Variants in SOX6 observed in about 807,000 individuals in gnomAD.
SOX6 encodes the protein SRY-box transcription factor 6.
A neutral mutation model predicts 97.8 loss-of-function variants in SOX6; 11 were observed. The observed-to-expected ratio is 0.11, with a 90% CI of 0.07 to 0.19. The LOEUF is 0.19. SOX6 is among the 10% of genes least tolerant of loss of function. The pLI is 1.00. For missense variants in SOX6, 810 were observed against 1,039.5 expected (o/e 0.78, Z 3.04); for synonymous variants, 360 against 371.4 (o/e 0.97, Z 0.35).
chr11:16,480,833 T>C (rs1300647057), upstream of SOX6, among the ~76,000 whole-genome samples: 1 of 152,174 alleles, frequency 6.6e-6, no homozygotes, highest in East Asian at 1.9e-4. Flanking sequence ...TAGCACTGCA[T>C]GATTAAAACT....
intron 9 of SOX6, among the ~76,000 whole-genome samples, chr11:16,079,641 C>A (rs908492558): frequency 6.6e-6 from 1 of 152,030 alleles, no homozygotes; most frequent in Non-Finnish European, 1.5e-5. Context: ...TATAAGTGAT[C>A]AGGTAGACTA....
intron 4 of SOX6, among the ~76,000 whole-genome samples, chr11:16,569,857 A>G (rs1589989679): frequency 7.4e-6 from 1 of 134,420 alleles, no homozygotes; most frequent in East Asian, 2.0e-4. Flanking sequence ...TGACTGATCA[A>G]GACTCCGTCT....
intron 9 of SOX6, among the ~76,000 whole-genome samples, chr11:16,068,633 A>G (rs1348473927): frequency 6.6e-6 from 1 of 152,166 alleles, no homozygotes; most frequent in Admixed American, 6.5e-5. Context: ...AGTCCTACAT[A>G]TTAGGTTTAT....
At chr11:16,480,280 T>C (rs1382198319), upstream of SOX6, among the ~76,000 whole-genome samples, 4 of 152,154 alleles carry the variant, frequency 2.6e-5, no homozygotes, top group Admixed American at 2.0e-4. Context: ...GTCTAATGTA[T>C]GCCAAAATGA....
intron 4 of SOX6, among the ~76,000 whole-genome samples, chr11:16,516,685 A>G (rs1000778540): frequency 1.3e-5 from 2 of 149,754 alleles, no homozygotes; most frequent in Admixed American, 6.7e-5. Flanking sequence ...GGCAATAATC[A>G]ATAGCTTACC....
At chr11:16,014,826 G>T in intron 13 of SOX6, 116 bp downstream of exon 13, 2 of 926,528 alleles carry the variant, frequency 2.2e-6, no homozygotes, top group Non-Finnish European at 3.4e-6. Context: ...CCTTTGCTTT[G>T]CCTAAGAAAT....
At chr11:16,646,491 T>C (rs1056299770) in intron 3 of SOX6, among the ~76,000 whole-genome samples, 4 of 151,816 alleles carry the variant, frequency 2.6e-5, no homozygotes, top group Non-Finnish European at 5.9e-5. Context: ...TTTATTTCCA[T>C]AGGTTTTTGG....
intron 9 of SOX6, among the ~76,000 whole-genome samples, chr11:16,061,579 G>A (rs1468727572): frequency 6.6e-6 from 1 of 151,386 alleles, no homozygotes; most frequent in Non-Finnish European, 1.5e-5. Flanking sequence ...AGAGCCCCAA[G>A]AGTCAAGGCA....
chr11:16,056,483 C>T (rs1375112355), intron 9 of SOX6, among the ~76,000 whole-genome samples: 2 of 152,084 alleles, frequency 1.3e-5, no homozygotes, highest in South Asian at 4.1e-4. Context: ...TAACATAATC[C>T]TCAAGAGAAT....
At chr11:16,080,336 G>A (rs1426572068) in intron 9 of SOX6, among the ~76,000 whole-genome samples, 3 of 151,174 alleles carry the variant, frequency 2.0e-5, no homozygotes, top group Non-Finnish European at 4.4e-5. Context: ...AGAAAGAATA[G>A]TATAGTAAAC....
At chr11:16,578,439 G>C (rs1448729995) in intron 4 of SOX6, among the ~76,000 whole-genome samples, 1 of 151,904 alleles carries the variant, frequency 6.6e-6, no homozygotes, top group South Asian at 2.1e-4. Context: ...ACTATTACTG[G>C]CCATGAAGCC....
At chr11:16,140,105 A>G (rs1470946751) in intron 6 of SOX6, among the ~76,000 whole-genome samples, 1 of 152,050 alleles carries the variant, frequency 6.6e-6, no homozygotes, top group Non-Finnish European at 1.5e-5. Context: ...TATCTCTTAC[A>G]TATTACCAAC....
intron 4 of SOX6, among the ~76,000 whole-genome samples, chr11:16,532,212 AT>A: frequency 6.6e-6 from 1 of 151,794 alleles, no homozygotes; most frequent in African/African-American, 2.4e-5. Context: ...CTTCAAATTC[AT>A]TTTTTTAAGT....
intron 13 of SOX6, among the ~76,000 whole-genome samples, chr11:16,010,973 AT>A (rs1854705130): frequency 6.6e-6 from 1 of 152,068 alleles, no homozygotes. Flanking sequence ...CAAATCCAAC[AT>A]ACCTTTTTTA....
chr11:16,561,568 A>G (rs1847814633), intron 4 of SOX6, among the ~76,000 whole-genome samples: 1 of 152,144 alleles, frequency 6.6e-6, no homozygotes, highest in Non-Finnish European at 1.5e-5. Context: ...ATAGGTATTT[A>G]ACAAAAATTG....
At chr11:16,685,065 A>C (rs761213071) in intron 3 of SOX6, among the ~76,000 whole-genome samples, 1 of 152,122 alleles carries the variant, frequency 6.6e-6, no homozygotes, top group Non-Finnish European at 1.5e-5. Flanking sequence ...ATCTGCCCCC[A>C]TGACCCAAAC....
chr11:16,703,930 C>T (rs1434155918), intron 3 of SOX6, among the ~76,000 whole-genome samples: 1 of 152,168 alleles, frequency 6.6e-6, no homozygotes, highest in African/African-American at 2.4e-5. Context: ...AATAATACAA[C>T]TTCCATCTAA....
At chr11:16,354,447 C>T (rs530102659) in intron 1 of SOX6, among the ~76,000 whole-genome samples, 25 of 151,964 alleles carry the variant, frequency 1.6e-4, no homozygotes, top group African/African-American at 4.3e-4. Context: ...GAACTAATGA[C>T]AAGAACCATG....
intron 1 of SOX6, among the ~76,000 whole-genome samples, chr11:16,392,147 C>A (rs1858204063): frequency 6.6e-6 from 1 of 152,046 alleles, no homozygotes; most frequent in Admixed American, 6.6e-5. Flanking sequence ...CGAAATAAAG[C>A]CGCATGTTTC....
Sources: allele counts gnomAD v4.1 joint callset (sites outside exome capture counted in the v4.1 genomes callset), GRCh38; gene constraint gnomAD v4.1.1; transcripts MANE v1.5; gene names NCBI Gene and HGNC (gene_info 2026-07-23, HGNC 2026-07-21).